ITIH5: variants seen among roughly 807,000 people sequenced by gnomAD.
The protein encoded by ITIH5 is inter-alpha-trypsin inhibitor heavy chain H5.
ITIH5 carries 65 observed loss-of-function variants against 77.5 expected under a neutral mutation model. The observed-to-expected ratio is 0.84, with a 90% CI of 0.69 to 1.03. The LOEUF (loss-of-function observed/expected upper bound fraction) is 1.03. Ranked by LOEUF, ITIH5 falls within the 50% of genes least tolerant of loss-of-function variation. ITIH5 has a pLI of 0.00. For synonymous variants in ITIH5, 525 were observed against 494.3 expected (o/e 1.06, Z -0.82); for missense variants, 1,208 against 1,213.1 (o/e 1.00, Z 0.06).
chr10:7,579,944 G>A lies in ITIH5; in HGVS notation c.1229C>T (p.Thr410Met), dbSNP rs770290121. The change falls in exon 9 of 14, where the codon ACG becomes ATG. Residue 410 changes from threonine to methionine, a missense_variant. Coordinates refer to ENST00000397146, the MANE Select transcript of ITIH5 (RefSeq NM_030569.7). ...LIVFLTDGKP[T>M]VGETHTLKIL... ...CTTGAGGGTGTGCGTCTCCCCGACC[G>A]TGGGCTTCCCATCCGTCAGGAAGAC... 20 of 1,614,050 alleles carry A rather than the reference G, an allele frequency of 1.2e-5. No individual in the cohort carries two copies. Among genetic ancestry groups the A allele is most frequent in the East Asian group, 2.2e-5 (1 of 44,896 alleles).
intron 7 of ITIH5, among the ~76,000 whole-genome samples, chr10:7,604,924 C>A (rs985368695): frequency 6.6e-6 from 1 of 151,992 alleles, no homozygotes; most frequent in Non-Finnish European, 1.5e-5. Flanking sequence ...CGGGTTCAAG[C>A]GATTCTCCTG....
chr10:7,570,867 C>T (rs1164437409), intron 11 of ITIH5, among the ~76,000 whole-genome samples: 1 of 152,178 alleles, frequency 6.6e-6, no homozygotes, highest in Non-Finnish European at 1.5e-5. Context: ...AGCATTCCAC[C>T]CACCTCAGCC....
chr10:7,649,513 GATAGATGGAT>G (rs1834061602), intron 2 of ITIH5, among the ~76,000 whole-genome samples: 1 of 117,430 alleles, frequency 8.5e-6, no homozygotes, highest in South Asian at 3.2e-4. Flanking sequence ...TGGATAGATA[GATAGATGGAT>G]AGATAGATAG....
At chr10:7,630,385 C>T (rs539677159) in intron 5 of ITIH5, among the ~76,000 whole-genome samples, 26 of 152,284 alleles carry the variant, frequency 1.7e-4, no homozygotes, top group South Asian at 4.1e-4. Flanking sequence ...TTAACTTGCT[C>T]GTTTTAACTT....
At chr10:7,661,894 T>C (rs1300574740) in intron 1 of ITIH5, among the ~76,000 whole-genome samples, 8 of 151,884 alleles carry the variant, frequency 5.3e-5, no homozygotes. Context: ...AGACATGGGG[T>C]TTCAACCATG....
intron 5 of ITIH5, among the ~76,000 whole-genome samples, chr10:7,631,097 T>C (rs1833704777): frequency 6.6e-6 from 1 of 151,938 alleles, no homozygotes; most frequent in Non-Finnish European, 1.5e-5. Context: ...GGAATATTGC[T>C]AGAAAACAGG....
intron 7 of ITIH5, among the ~76,000 whole-genome samples, chr10:7,595,900 C>T (rs1334585450): frequency 2.0e-5 from 3 of 152,050 alleles, no homozygotes; most frequent in African/African-American, 7.3e-5. Context: ...CCCAGCTACT[C>T]GGGAGGCTGA....
At chr10:7,594,900 G>A (rs1832864196) in intron 7 of ITIH5, among the ~76,000 whole-genome samples, 1 of 152,200 alleles carries the variant, frequency 6.6e-6, no homozygotes, top group African/African-American at 2.4e-5. Context: ...CACTGAGGAG[G>A]AAAACAGGGT....
At chr10:7,600,626 T>C (rs1832995361) in intron 7 of ITIH5, 1 of 456,186 alleles carries the variant, frequency 2.2e-6, no homozygotes, top group Non-Finnish European at 4.4e-6. Flanking sequence ...AATCAGAACA[T>C]CCTTCTTCAA....
intron 7 of ITIH5, among the ~76,000 whole-genome samples, chr10:7,587,910 C>G (rs990658603): frequency 6.6e-6 from 1 of 152,186 alleles, no homozygotes; most frequent in Non-Finnish European, 1.5e-5. Flanking sequence ...GCCCCTCTGG[C>G]TAGGTGAAAT....
intron 8 of ITIH5, 139 bp from the exon 9 acceptor site, chr10:7,580,203 C>T (rs1832521547): frequency 1.4e-6 from 1 of 701,096 alleles, no homozygotes; most frequent in African/African-American, 1.8e-5. Flanking sequence ...TCACTGCAAC[C>T]TCCGCCTCCC....
At chr10:7,565,626 T>C (rs993838306) in intron 13 of ITIH5, among the ~76,000 whole-genome samples, 1 of 148,680 alleles carries the variant, frequency 6.7e-6, no homozygotes, top group African/African-American at 2.5e-5. Flanking sequence ...ATTATGTATA[T>C]GTATATATGT....
intron 6 of ITIH5, among the ~76,000 whole-genome samples, chr10:7,616,843 G>A (rs1833377721): frequency 6.6e-6 from 1 of 152,020 alleles, no homozygotes; most frequent in Non-Finnish European, 1.5e-5. Context: ...AAAATAAAAT[G>A]GAGCATGAAC....
intron 7 of ITIH5, among the ~76,000 whole-genome samples, chr10:7,591,912 C>T (rs1180550701): frequency 2.6e-5 from 4 of 152,146 alleles, no homozygotes; most frequent in African/African-American, 9.7e-5. Context: ...TGCTTTATCG[C>T]CAGGCTGGAG....
At chr10:7,620,920 G>A (rs966271425) in intron 5 of ITIH5, 1 of 152,202 alleles carries the variant, frequency 6.6e-6, no homozygotes, top group African/African-American at 2.4e-5. Flanking sequence ...TCCCCCCCAC[G>A]AGGGTGTAGA....
At chr10:7,653,332 G>A (rs940357516) in intron 2 of ITIH5, among the ~76,000 whole-genome samples, 12 of 151,928 alleles carry the variant, frequency 7.9e-5, no homozygotes, top group Non-Finnish European at 1.3e-4. Context: ...TCAGCCTCCC[G>A]AGTAGCTGGG....
At chr10:7,654,185 C>A (rs1273640484) in intron 2 of ITIH5, among the ~76,000 whole-genome samples, 2 of 152,200 alleles carry the variant, frequency 1.3e-5, no homozygotes, top group African/African-American at 4.8e-5. Context: ...CCGTCACATG[C>A]ACCCATGGTT....
chr10:7,608,699 C>T (rs772742623), intron 7 of ITIH5, among the ~76,000 whole-genome samples: 44 of 152,208 alleles, frequency 2.9e-4, no homozygotes, highest in Admixed American at 1.1e-3. Context: ...AGCCACTTTG[C>T]CTCAGTCTAC....
At chr10:7,612,860 A>G (rs951559009) in intron 7 of ITIH5, among the ~76,000 whole-genome samples, 7 of 152,196 alleles carry the variant, frequency 4.6e-5, no homozygotes, top group Non-Finnish European at 1.0e-4. Flanking sequence ...CAGTGGTCTT[A>G]AAAGAAGCCA....
Sources: gnomAD v4.1 joint callset for allele counts (sites outside exome capture counted in the v4.1 genomes callset) on GRCh38, gnomAD v4.1.1 for gene constraint, MANE v1.5 for transcripts, NCBI Gene and HGNC (gene_info 2026-07-23, HGNC 2026-07-21) for gene names.